Variants in DLG2 observed in about 807,000 individuals in gnomAD.
DLG2 encodes discs large MAGUK scaffold protein 2.
In DLG2, 45 loss-of-function variants were observed where a neutral mutation model predicts 132.5. The ratio of observed to expected loss-of-function variants is 0.34; its 90% CI spans 0.27 to 0.44. DLG2 has a LOEUF of 0.44. DLG2 is among the 20% of genes least tolerant of loss of function. The pLI is 1.00. For missense variants in DLG2, 1,045 were observed against 1,196.9 expected (o/e 0.87, Z 1.87); for synonymous variants, 424 against 419.6 (o/e 1.01, Z -0.13).
intron 4 of DLG2, among the ~76,000 whole-genome samples, chr11:85,253,668 T>C (rs981896529): frequency 1.3e-5 from 2 of 152,104 alleles, no homozygotes; most frequent in African/African-American, 2.4e-5. Context: ...GGAGGGTCAG[T>C]GTGACAGCAT....
intron 11 of DLG2, among the ~76,000 whole-genome samples, chr11:84,039,391 C>T (rs1212225513): frequency 7.8e-6 from 1 of 128,054 alleles, no homozygotes; most frequent in African/African-American, 3.0e-5. Context: ...CACAACAGTC[C>T]CCAGAGTGTG....
At chr11:84,990,389 C>T (rs1446895513) in intron 6 of DLG2, among the ~76,000 whole-genome samples, 1 of 152,126 alleles carries the variant, frequency 6.6e-6, no homozygotes, top group Non-Finnish European at 1.5e-5. Flanking sequence ...ATTAGTGCCC[C>T]TATAAAAGGG....
intron 19 of DLG2, among the ~76,000 whole-genome samples, chr11:83,570,886 T>G (rs1454192826): frequency 3.3e-5 from 5 of 152,150 alleles, no homozygotes. Context: ...ACTATAGTTA[T>G]TTATTTATTT....
intron 6 of DLG2, among the ~76,000 whole-genome samples, chr11:85,097,772 T>C (rs2070127006): frequency 6.6e-6 from 1 of 152,226 alleles, no homozygotes; most frequent in South Asian, 2.1e-4. Flanking sequence ...TAGTTTATTC[T>C]GTATACATAG....
At chr11:84,761,837 A>G (rs1186482335) in intron 6 of DLG2, among the ~76,000 whole-genome samples, 1 of 152,132 alleles carries the variant, frequency 6.6e-6, no homozygotes, top group Non-Finnish European at 1.5e-5. Flanking sequence ...TGAGTCAATT[A>G]TAATAAACTC....
intron 4 of DLG2, among the ~76,000 whole-genome samples, chr11:85,220,637 A>AAAAAATATATAT (rs371263007): frequency 6.7e-6 from 1 of 148,262 alleles, no homozygotes. Flanking sequence ...TAGAAAAAAA[A>AAAAAATATATAT]ATATATATAT....
At chr11:84,846,550 T>C (rs2081501618) in intron 6 of DLG2, among the ~76,000 whole-genome samples, 1 of 152,104 alleles carries the variant, frequency 6.6e-6, no homozygotes, top group Non-Finnish European at 1.5e-5. Context: ...ACATCAAAAA[T>C]GTCACCCTCC....
chr11:83,856,764 A>C (rs1006448951), intron 16 of DLG2, among the ~76,000 whole-genome samples: 30 of 152,238 alleles, frequency 2.0e-4, no homozygotes, highest in African/African-American at 7.2e-4. Flanking sequence ...ATTTTCTCCA[A>C]TTCTGTAGGT....
intron 18 of DLG2, among the ~76,000 whole-genome samples, chr11:83,746,633 G>A (rs980549182): frequency 2.0e-5 from 3 of 152,018 alleles, no homozygotes; most frequent in South Asian, 2.1e-4. Context: ...TGTAAATGAC[G>A]AGTTACTGGG....
At chr11:83,545,162 GT>G (rs1355189092) in intron 19 of DLG2, among the ~76,000 whole-genome samples, 1 of 152,132 alleles carries the variant, frequency 6.6e-6, no homozygotes, top group East Asian at 1.9e-4. Context: ...GACTGCCTAG[GT>G]TTGCAGTTTT....
chr11:84,139,411 G>C (rs761823112), intron 9 of DLG2, among the ~76,000 whole-genome samples: 3 of 152,144 alleles, frequency 2.0e-5, no homozygotes, highest in Non-Finnish European at 2.9e-5. Context: ...TGTGGAGGTA[G>C]ATGAATCTTC....
intron 14 of DLG2, 117 bp downstream of exon 14, chr11:83,962,768 G>T: frequency 7.5e-7 from 1 of 1,332,640 alleles, no homozygotes; most frequent in Non-Finnish European, 1.0e-6. Context: ...CTACAATAAG[G>T]TTGAATGGGA....
chr11:85,370,500 A>G (rs1220831592), intron 3 of DLG2, among the ~76,000 whole-genome samples: 1 of 152,228 alleles, frequency 6.6e-6, no homozygotes, highest in Non-Finnish European at 1.5e-5. Flanking sequence ...GAGCACTCAA[A>G]TAAATGCATA....
At chr11:84,752,564 C>CTT (rs370347853) in intron 6 of DLG2, among the ~76,000 whole-genome samples, 4 of 127,506 alleles carry the variant, frequency 3.1e-5, no homozygotes, top group Admixed American at 7.8e-5. Context: ...TTTTCTTTTT[C>CTT]TTTTTTTTTT....
chr11:84,059,228 A>T, intron 11 of DLG2, 87 bp downstream of exon 11: 2 of 1,331,726 alleles, frequency 1.5e-6, no homozygotes, highest in Non-Finnish European at 2.1e-6. Context: ...GTCAGAGGTT[A>T]AAGAGTTCAT....
chr11:85,139,994 A>T (rs2076364034), intron 5 of DLG2, among the ~76,000 whole-genome samples: 1 of 151,876 alleles, frequency 6.6e-6, no homozygotes, highest in Admixed American at 6.6e-5. Flanking sequence ...AAGTGGAAAG[A>T]TCTCATTCTT....
At chr11:84,545,364 G>A in intron 6 of DLG2, 1 of 525,128 alleles carries the variant, frequency 1.9e-6, no homozygotes, top group South Asian at 1.5e-5. Context: ...ATCCATTATA[G>A]CCATCCCACT....
chr11:85,301,060 G>C (rs552494791), intron 3 of DLG2, among the ~76,000 whole-genome samples: 26 of 152,122 alleles, frequency 1.7e-4, no homozygotes, highest in Non-Finnish European at 3.2e-4. Context: ...AATTAGCTGG[G>C]TGTGGTGGTG....
intron 7 of DLG2, among the ~76,000 whole-genome samples, chr11:84,366,520 A>G (rs536959121): frequency 5.9e-5 from 9 of 152,250 alleles, no homozygotes; most frequent in African/African-American, 1.9e-4. Flanking sequence ...CAGACTGGCA[A>G]ATTGGATAGA....
Sources: allele counts gnomAD v4.1 joint callset (sites outside exome capture counted in the v4.1 genomes callset), GRCh38; gene constraint gnomAD v4.1.1; transcripts MANE v1.5; gene names NCBI Gene and HGNC (gene_info 2026-07-23, HGNC 2026-07-21).